DSCAM: variants seen among roughly 807,000 people sequenced by gnomAD.
DSCAM encodes the protein cell adhesion molecule DSCAM.
Under a neutral mutation model 217.7 loss-of-function variants are expected in DSCAM, and 47 were observed. That is an observed-to-expected ratio of 0.22 (90% CI 0.17 to 0.28). The LOEUF is 0.28. Ranked by LOEUF, DSCAM falls within the 10% of genes least tolerant of loss-of-function variation. The pLI is 1.00. For missense variants in DSCAM, 2,080 were observed against 2,618.3 expected, an observed-to-expected ratio of 0.79 and a Z score of 4.49; for synonymous variants, 1,056 against 1,015.3, an observed-to-expected ratio of 1.04 and a Z score of -0.76.
intron 11 of DSCAM, among the ~76,000 whole-genome samples, chr21:40,234,278 C>T (rs966213959): frequency 6.6e-5 from 10 of 152,170 alleles, no homozygotes; most frequent in African/African-American, 2.4e-4. Context: ...GAAGTCAACT[C>T]GTCTCTGGTA....
intron 10 of DSCAM, among the ~76,000 whole-genome samples, chr21:40,293,730 CAGA>C: frequency 6.6e-6 from 1 of 152,010 alleles, no homozygotes; most frequent in East Asian, 1.9e-4. Context: ...GAGGCTGAGG[CAGA>C]AGAATTGCTT....
In DSCAM at chr21:40,263,346, A is replaced by G. The variant is rs549644093; in HGVS notation, c.2356+12751T>C. Among the ~76,000 whole-genome samples the G allele has an allele frequency of 7.9e-5, 12 of 152,358 alleles. 1 individual carries two copies. The South Asian group carries it at 2.1e-3, about 26-fold the overall frequency. The stretch of plus-strand genomic sequence containing the variant: ...TGTGAGCAGAGCAAAGAAAATTTCA[A>G]TCATATCAAGTATCTTCTCAGACCA... On this transcript the variant is annotated intron_variant, in intron 11 of 32. Transcript: ENST00000400454.
At chr21:40,763,292 A>T (rs2091355007) in intron 1 of DSCAM, among the ~76,000 whole-genome samples, 1 of 152,140 alleles carries the variant, frequency 6.6e-6, no homozygotes, top group South Asian at 2.1e-4. Flanking sequence ...ACTCCTATAC[A>T]CCAATAATAG....
At chr21:40,673,396 T>C (rs975747434) in intron 3 of DSCAM, among the ~76,000 whole-genome samples, 1 of 152,258 alleles carries the variant, frequency 6.6e-6, no homozygotes, top group African/African-American at 2.4e-5. Context: ...GACCTATAAA[T>C]GTTGTTTGGT....
intron 29 of DSCAM, among the ~76,000 whole-genome samples, chr21:40,053,446 G>T (rs2088965627): frequency 6.6e-6 from 1 of 152,168 alleles, no homozygotes; most frequent in African/African-American, 2.4e-5. Context: ...TTAATGATGG[G>T]ATATGTCACA....
chr21:40,503,594 C>T (rs2076187225), intron 3 of DSCAM, among the ~76,000 whole-genome samples: 1 of 152,178 alleles, frequency 6.6e-6, no homozygotes, highest in South Asian at 2.1e-4. Flanking sequence ...TGCACATCCG[C>T]TGATTTTCAG....
chr21:40,442,773 G>A (rs1267232820), intron 3 of DSCAM, among the ~76,000 whole-genome samples: 2 of 152,078 alleles, frequency 1.3e-5, no homozygotes, highest in Non-Finnish European at 1.5e-5. Context: ...GCCTCCCAAA[G>A]TGCTGGGATT....
At chr21:40,267,794 G>A (rs2073559922) in intron 11 of DSCAM, among the ~76,000 whole-genome samples, 1 of 152,102 alleles carries the variant, frequency 6.6e-6, no homozygotes, top group South Asian at 2.1e-4. Flanking sequence ...TACTTGGGAG[G>A]CTGAGGCAGG....
Position 40,032,780 on chromosome 21 carries a change from GCTT to G in DSCAM, c.5686+9588_5686+9590del, listed in dbSNP as rs2088552214. Among the ~76,000 whole-genome samples, 3 of 150,664 alleles carry G rather than the reference GCTT, an allele frequency of 2.0e-5. No homozygotes were observed. The South Asian group carries it at 6.2e-4, about 31-fold the overall frequency. On this transcript the variant is annotated intron_variant, in intron 32 of 32. Coordinates refer to ENST00000400454, the MANE Select transcript of DSCAM (RefSeq NM_001389.5). Reference sequence around the variant, plus strand: ...CTGGAACTCAAGGAAATCATCTTTTGCTTCTTACTTTTGCATCAATATCCAGCT... The same window carrying G: ...CTGGAACTCAAGGAAATCATCTTTTGCTTACTTTTGCATCAATATCCAGCT...
At chr21:40,566,284 G>T (rs1183887245) in intron 3 of DSCAM, among the ~76,000 whole-genome samples, 1 of 151,852 alleles carries the variant, frequency 6.6e-6, no homozygotes, top group East Asian at 1.9e-4. Flanking sequence ...GAATGCCATG[G>T]CCTGAAACAT....
chr21:40,605,253 T>G (rs1196161705), intron 3 of DSCAM, among the ~76,000 whole-genome samples: 1 of 152,214 alleles, frequency 6.6e-6, no homozygotes, highest in Admixed American at 6.5e-5. Context: ...TTCTGCCCCC[T>G]GTAAGCTGAC....
intron 3 of DSCAM, among the ~76,000 whole-genome samples, chr21:40,524,516 C>T (rs2076384747): frequency 2.6e-5 from 4 of 151,716 alleles, no homozygotes; most frequent in South Asian, 2.1e-4. Flanking sequence ...GATTTTTCAG[C>T]GCTTTCTGTG....
chr21:40,453,085 TGTGTGTGA>T lies in DSCAM; in HGVS notation c.509-83848_509-83841del, dbSNP rs796162939. ...GTGTGTGTGTGTGTGTGTGTGTGTGTGTGTGTGAGATATATGTGTATATCTACACATAC... is the reference window on the plus strand; with the variant it reads ...GTGTGTGTGTGTGTGTGTGTGTGTGTGATATATGTGTATATCTACACATAC... On this transcript the variant is annotated intron_variant, in intron 3 of 32. Coordinates refer to ENST00000400454, the MANE Select transcript of DSCAM (RefSeq NM_001389.5). 5.7e-3 allele frequency among the ~76,000 whole-genome samples: 641 copies of T among 113,410 alleles called. 8 individuals are homozygous for T. Among genetic ancestry groups the T allele is most frequent in the East Asian group, 0.023 (98 of 4,230 alleles). The allele number at this position is 113,410 out of a possible 152,430, so 74.4% of individuals were successfully genotyped here.
At chr21:40,634,861 C>T (rs2089735746) in intron 3 of DSCAM, among the ~76,000 whole-genome samples, 1 of 152,220 alleles carries the variant, frequency 6.6e-6, no homozygotes. Context: ...AAGCATTAAA[C>T]AGCCTCAACC....
chr21:40,204,085 T>A (rs1601438064), intron 11 of DSCAM, among the ~76,000 whole-genome samples: 1 of 152,302 alleles, frequency 6.6e-6, no homozygotes, highest in East Asian at 1.9e-4. Context: ...TTTTGTTAAC[T>A]TGTTTTGAAG....
At chr21:40,241,881 C>T (rs2073157828) in intron 11 of DSCAM, among the ~76,000 whole-genome samples, 2 of 152,182 alleles carry the variant, frequency 1.3e-5, no homozygotes, top group Admixed American at 6.5e-5. Context: ...TTATCTTTAG[C>T]AAACTAATGC....
intron 3 of DSCAM, among the ~76,000 whole-genome samples, chr21:40,567,979 C>A (rs531195553): frequency 2.4e-4 from 37 of 152,120 alleles, no homozygotes; most frequent in Non-Finnish European, 5.9e-5. Context: ...ATTCTATTGC[C>A]CAGGCAGGAG....
intron 3 of DSCAM, among the ~76,000 whole-genome samples, chr21:40,510,464 A>C (rs1414593247): frequency 6.6e-6 from 1 of 152,212 alleles, no homozygotes; most frequent in Non-Finnish European, 1.5e-5. Context: ...GAGGTTTGAT[A>C]ATGGTTTGAT....
chr21:40,641,807 G>A (rs1026082285), intron 3 of DSCAM, among the ~76,000 whole-genome samples: 19 of 152,184 alleles, frequency 1.2e-4, no homozygotes, highest in African/African-American at 3.9e-4. Flanking sequence ...CCAGCACTAC[G>A]GGGAGGCCGA....
Sources: gnomAD v4.1 joint callset for allele counts (sites outside exome capture counted in the v4.1 genomes callset) on GRCh38, gnomAD v4.1.1 for gene constraint, MANE v1.5 for transcripts, NCBI Gene and HGNC (gene_info 2026-07-23, HGNC 2026-07-21) for gene names.